AMN1: variants seen among roughly 807,000 people sequenced by gnomAD.
The protein encoded by AMN1 is protein AMN1 homolog.
Under a neutral mutation model 33.0 loss-of-function variants are expected in AMN1, and 20 were observed. The observed-to-expected ratio is 0.61, with a 90% CI of 0.43 to 0.88. The LOEUF (loss-of-function observed/expected upper bound fraction) is 0.88. Ranked by LOEUF, AMN1 falls within the 40% of genes least tolerant of loss-of-function variation. The pLI is 0.00. For missense variants in AMN1, 246 were observed against 307.4 expected (o/e 0.80, Z 1.49); for synonymous variants, 114 against 111.9 (o/e 1.02, Z -0.12).
intron 1 of AMN1, among the ~76,000 whole-genome samples, chr12:31,710,533 T>C (rs944683630): frequency 1.0e-4 from 15 of 144,464 alleles, no homozygotes; most frequent in African/African-American, 3.8e-4. Flanking sequence ...TATTCTTTCT[T>C]ATTTTTCTCT....
At position 31,693,691 on chromosome 12, in the gene AMN1, C is replaced by T. The variant is rs548098532; in HGVS notation, c.591+3670G>A. On this transcript the variant is annotated intron_variant, in intron 5 of 6. Coordinates refer to ENST00000281471, the MANE Select transcript of AMN1 (RefSeq NM_001113402.2). ...CTAAGTAGTTGGGATTACAGGCATG[C>T]GCCACCACACCCAGCTAATTTTGTA... Among the ~76,000 whole-genome samples, 77 of 151,948 alleles carry T rather than the reference C, an allele frequency of 5.1e-4. 1 individual carries two copies. Among genetic ancestry groups the T allele is most frequent in the African/African-American group, 1.6e-3 (65 of 41,428 alleles).
At chr12:31,696,614 A>G (rs1001658969) in intron 5 of AMN1, among the ~76,000 whole-genome samples, 1 of 152,112 alleles carries the variant, frequency 6.6e-6, no homozygotes, top group African/African-American at 2.4e-5. Context: ...ATTCAATTCA[A>G]AGGATGAACA....
rs111993785 is a variant in AMN1 at position 31,675,961 on chromosome 12, C to T, written c.704-3584G>A. Among the ~76,000 whole-genome samples, 100 of 151,766 alleles carry T rather than the reference C, an allele frequency of 6.6e-4. 5 individuals are homozygous for T. The highest frequency in any genetic ancestry group is 2.1e-3 in the African/African-American group (85 of 41,130). On this transcript the variant is annotated intron_variant, in intron 6 of 6. Transcript: ENST00000281471. The stretch of plus-strand genomic sequence containing the variant: ...AGATGTTATACTGTGTATACAATAT[C>T]CCAAGGAATTCACTAAAAAAATAGA...
At chr12:31,679,611 G>A (rs982107798) in intron 6 of AMN1, among the ~76,000 whole-genome samples, 2 of 152,128 alleles carry the variant, frequency 1.3e-5, no homozygotes, top group Admixed American at 6.5e-5. Context: ...AATTGAAAGC[G>A]GCAGATTTCC....
chr12:31,673,857 T>G lies in AMN1; in HGVS notation c.704-1480A>C, dbSNP rs73090331. Among the ~76,000 whole-genome samples, 615 of 152,236 alleles carry G rather than the reference T, an allele frequency of 4.0e-3. 9 individuals are homozygous for G. The highest frequency in any genetic ancestry group is 0.014 in the African/African-American group (595 of 41,552). ...ATTAGTATAATATACTGTGTTAATG[T>G]CCTATTGCTGCTGTAACAAATTACC... On this transcript the variant is annotated intron_variant, in intron 6 of 6. Coordinates refer to ENST00000281471, the MANE Select transcript of AMN1 (RefSeq NM_001113402.2).
intron 2 of AMN1, among the ~76,000 whole-genome samples, chr12:31,706,101 A>C (rs1002924798): frequency 6.6e-5 from 10 of 152,180 alleles, no homozygotes; most frequent in Admixed American, 1.3e-4. Context: ...TCACAAGGTC[A>C]GGAGATCGAG....
intron 1 of AMN1, among the ~76,000 whole-genome samples, chr12:31,725,571 C>T (rs1767166530): frequency 1.3e-5 from 2 of 152,094 alleles, no homozygotes; most frequent in South Asian, 4.1e-4. Context: ...AAATTTTGTC[C>T]TTGACTTTCT....
At chr12:31,701,624 CAT>C (rs1317115790) in intron 3 of AMN1, among the ~76,000 whole-genome samples, 2 of 152,162 alleles carry the variant, frequency 1.3e-5, no homozygotes, top group Non-Finnish European at 2.9e-5. Flanking sequence ...GTTTATTTTA[CAT>C]ATGTTTAAAA....
intron 3 of AMN1, 25 bp from the exon 4 acceptor site, chr12:31,697,982 C>T (rs1938811188): frequency 6.2e-7 from 1 of 1,604,334 alleles, no homozygotes; most frequent in Non-Finnish European, 8.5e-7. Context: ...AATTATATAT[C>T]AATGAGCTAT....
At chr12:31,725,026 G>C (rs1940009223) in intron 1 of AMN1, among the ~76,000 whole-genome samples, 1 of 152,166 alleles carries the variant, frequency 6.6e-6, no homozygotes, top group Admixed American at 6.5e-5. Context: ...AGGAATGTTA[G>C]GCAAGAGTAT....
chr12:31,696,254 T>A (rs34248310), intron 5 of AMN1, among the ~76,000 whole-genome samples: 5,087 of 143,946 alleles, frequency 0.035, 117 homozygotes, highest in African/African-American at 0.056. Flanking sequence ...ATAAATAAAT[T>A]AATTAATTAA....
At chr12:31,699,796 T>A (rs1479007205) in intron 3 of AMN1, among the ~76,000 whole-genome samples, 4 of 152,168 alleles carry the variant, frequency 2.6e-5, no homozygotes, top group Non-Finnish European at 5.9e-5. Flanking sequence ...GGGGATAGTC[T>A]TGTGGGACTG....
intron 6 of AMN1, among the ~76,000 whole-genome samples, chr12:31,685,946 A>G (rs111348493): frequency 0.021 from 3,233 of 151,754 alleles, 50 homozygotes; most frequent in Middle Eastern, 0.048. Context: ...ATTTAGTGTG[A>G]TTAAGCTCAT....
chr12:31,716,499 G>A (rs761763137), intron 1 of AMN1, among the ~76,000 whole-genome samples: 4 of 152,088 alleles, frequency 2.6e-5, no homozygotes, highest in Non-Finnish European at 4.4e-5. Context: ...CCATATCCTT[G>A]CCAACACTTG....
At chr12:31,706,352 C>T (rs1302193150) in intron 2 of AMN1, among the ~76,000 whole-genome samples, 1 of 150,258 alleles carries the variant, frequency 6.7e-6, no homozygotes, top group Non-Finnish European at 1.5e-5. Flanking sequence ...CTTTCTTTAC[C>T]TACAACTGTC....
chr12:31,689,461 T>TA (rs1350304312), intron 5 of AMN1, among the ~76,000 whole-genome samples: 2 of 152,062 alleles, frequency 1.3e-5, no homozygotes, highest in African/African-American at 2.4e-5. Context: ...CTTGTAATAG[T>TA]AAAAAAAGTG....
chr12:31,709,051 A>C, intron 2 of AMN1: 1 of 531,838 alleles, frequency 1.9e-6, no homozygotes, highest in South Asian at 1.6e-5. Flanking sequence ...GGTGGTGTAC[A>C]CCTATAGTCC....
intron 4 of AMN1, 114 bp from the exon 5 acceptor site, chr12:31,697,531 G>T: frequency 2.6e-6 from 3 of 1,156,100 alleles, no homozygotes; most frequent in South Asian, 2.6e-5. Context: ...CATCAAACAT[G>T]TGTTTTAGCC....
rs144301505 is a variant in AMN1, at chr12:31,685,273, C to A, written c.703+3734G>T. Among the ~76,000 whole-genome samples the A allele has an allele frequency of 8.2e-3, 1,246 of 152,084 alleles. 5 individuals carry two copies. Among genetic ancestry groups the A allele is most frequent in the Non-Finnish European group, 0.012 (835 of 67,964 alleles). On this transcript the variant is annotated intron_variant, in intron 6 of 6. Coordinates refer to ENST00000281471, the MANE Select transcript of AMN1 (RefSeq NM_001113402.2). ...TGAACTCCTGACCTCAAGTGGTCTG[C>A]CCACCTCAGCCTCCCAAAGTGTTGG...
Sources: gnomAD v4.1 joint callset for allele counts (sites outside exome capture counted in the v4.1 genomes callset) on GRCh38, gnomAD v4.1.1 for gene constraint, MANE v1.5 for transcripts, NCBI Gene and HGNC (gene_info 2026-07-23, HGNC 2026-07-21) for gene names.